IHO1: variants seen among roughly 807,000 people sequenced by gnomAD.
IHO1 encodes interactor of HORMAD1 1, also known as interactor of HORMAD1 protein 1.
IHO1 carries 13 observed loss-of-function variants against 31.0 expected under a neutral mutation model. The observed-to-expected ratio is 0.42, with a 90% confidence interval of 0.27 to 0.67. The LOEUF (loss-of-function observed/expected upper bound fraction) is 0.67, where lower values mean the gene tolerates loss of function less well. Among genes scored for constraint, IHO1 ranks in the 30% least tolerant of loss-of-function variants. The pLI is 0.24. For missense variants in IHO1, 599 were observed against 687.5 expected, an observed-to-expected ratio of 0.87 and a Z score of 1.44; for synonymous variants, 221 against 248.4, an observed-to-expected ratio of 0.89 and a Z score of 1.04.
Position 49,241,392 on chromosome 3 carries a change from ATGTAAACC to A in IHO1, c.395+5_395+12del. 1 of 1,593,426 alleles carries A rather than the reference ATGTAAACC, an allele frequency of 6.3e-7. No homozygotes were observed. ...AGGGCAAAAGACAAATGTGACAGGT[ATGTAAACC>A]TTTCAAATGGATGAAAGAACTCACC... On this transcript the variant is annotated splice_donor_5th_base_variant and intron_variant, in intron 4 of 7. Coordinates refer to ENST00000452691, the MANE Select transcript of IHO1 (RefSeq NM_001135197.2).
intron 1 of IHO1, among the ~76,000 whole-genome samples, chr3:49,204,790 T>C (rs1422602212): frequency 6.6e-6 from 1 of 152,070 alleles, no homozygotes; most frequent in Non-Finnish European, 1.5e-5. Context: ...TTTGGGAGGC[T>C]GATGTGGGCA....
upstream of IHO1, among the ~76,000 whole-genome samples, chr3:49,195,431 A>G (rs888156909): frequency 6.8e-6 from 1 of 146,776 alleles, no homozygotes; most frequent in African/African-American, 2.5e-5. Context: ...CAAAAAAAAA[A>G]AAGAGGCCAG....
chr3:49,212,717 T>C (rs1472768795), intron 2 of IHO1, among the ~76,000 whole-genome samples: 5 of 152,052 alleles, frequency 3.3e-5, no homozygotes, highest in Non-Finnish European at 7.4e-5. Context: ...TTCCTTCTGG[T>C]GGGTTTGGGG....
At chr3:49,193,994 G>T (rs2045981442), upstream of IHO1, among the ~76,000 whole-genome samples, 2 of 150,490 alleles carry the variant, frequency 1.3e-5, no homozygotes, top group Non-Finnish European at 3.0e-5. Flanking sequence ...GTCAGACTGG[G>T]TGCCGTGGCT....
At chr3:49,248,202 C>A (rs2046719605) in intron 6 of IHO1, among the ~76,000 whole-genome samples, 1 of 150,646 alleles carries the variant, frequency 6.6e-6, no homozygotes, top group South Asian at 2.1e-4. Context: ...GCGGGCAGAT[C>A]ACGGGGTCAG....
intron 3 of IHO1, 36 bp downstream of exon 3, chr3:49,236,758 T>G: frequency 6.3e-7 from 1 of 1,578,598 alleles, no homozygotes; most frequent in Non-Finnish European, 8.6e-7. Flanking sequence ...TGCACACATT[T>G]CACAGTCATT....
At chr3:49,236,820 A>T (rs2046565273) in intron 3 of IHO1, 98 bp downstream of exon 3, 2 of 1,164,796 alleles carry the variant, frequency 1.7e-6, no homozygotes, top group East Asian at 5.1e-5. Context: ...AATGGCTGAC[A>T]CCTGTAATCC....
rs553273370 is a variant in IHO1, at chr3:49,258,078, T to C, written c.*796T>C. 6.6e-6 allele frequency: 1 copy of C among 152,220 alleles called. No homozygotes were observed. Among genetic ancestry groups the C allele is most frequent in the African/African-American group, 2.4e-5 (1 of 41,450 alleles). The allele number at this position is 152,220 out of a possible 1,614,324, so 9.4% of individuals were successfully genotyped here. A position where few individuals can be genotyped will look rare whatever the true frequency, so the allele number is the denominator to read the frequency against. ...TTTGCAACACAAGTATTTTTTGTTA[T>C]CAGAAATAAGATAAAACATTTAAAA... On this transcript the variant is annotated 3_prime_UTR_variant, in exon 8 of 8. Transcript: ENST00000452691.
At chr3:49,251,435 A>G (rs1228514279) in intron 6 of IHO1, among the ~76,000 whole-genome samples, 32 of 136,758 alleles carry the variant, frequency 2.3e-4, no homozygotes, top group Middle Eastern at 0.01. Context: ...ACAGGCGTGC[A>G]TCACCATGCC....
In IHO1 at chr3:49,207,249, GT is replaced by G. The variant is rs1223888677; in HGVS notation, c.-15-4502del. Among the ~76,000 whole-genome samples the G allele has an allele frequency of 4.7e-3, 656 of 138,548 alleles. 3 individuals carry two copies. Among genetic ancestry groups the G allele is most frequent in the African/African-American group, 0.01 (398 of 37,948 alleles). 90.9% of individuals were successfully genotyped at this position (138,548 alleles called of 152,430 possible). ...GGAGCATTTTTTTCTTTCTGGTGAG[GT>G]TTTTTTTTTTTTTTGAGACGGAGTC... is the stretch of plus-strand genomic sequence containing the variant. On this transcript the variant is annotated intron_variant, in intron 1 of 7. Transcript: ENST00000452691.
intron 6 of IHO1, among the ~76,000 whole-genome samples, chr3:49,251,227 TCTC>T (rs980477116): frequency 1.3e-5 from 2 of 150,852 alleles, no homozygotes; most frequent in Non-Finnish European, 3.0e-5. Context: ...TTCAAGCAGT[TCTC>T]CTGTCTCAGC....
rs180995492 is a variant in IHO1 at position 49,227,247 on chromosome 3, A to G, written c.57-9301A>G. On this transcript the variant is annotated intron_variant, in intron 2 of 7. Coordinates refer to ENST00000452691, the MANE Select transcript of IHO1 (RefSeq NM_001135197.2). ...TGGCCATTTTTCCCCATCAGAGAAT[A>G]TCGGGGCCAGGCCATAGTGCAGAAA... Among the ~76,000 whole-genome samples, 424 of 152,296 alleles carry G rather than the reference A, an allele frequency of 2.8e-3. 1 individual carries two copies. Among genetic ancestry groups the G allele is most frequent in the African/African-American group, 9.4e-3 (392 of 41,564 alleles).
At chr3:49,234,475 C>T (rs568739057) in intron 2 of IHO1, among the ~76,000 whole-genome samples, 5 of 152,068 alleles carry the variant, frequency 3.3e-5, no homozygotes, top group South Asian at 4.2e-4. Context: ...CCACCACGCC[C>T]AGGCTCTGGT....
chr3:49,225,329 G>C lies in IHO1; in HGVS notation c.57-11219G>C, dbSNP rs372643247. ...AAATAAAAAATTAGCTGGGCATGGT[G>C]GTGGGTGCCTGTAATCCCAGCCACT... On this transcript the variant is annotated intron_variant, in intron 2 of 7. Coordinates refer to ENST00000452691, the MANE Select transcript of IHO1 (RefSeq NM_001135197.2). Among the ~76,000 whole-genome samples the C allele has an allele frequency of 1.0e-3, 156 of 152,294 alleles. No homozygotes were observed. In the Middle Eastern group the frequency reaches 0.024, roughly 23 times the overall value.
At chr3:49,230,316 G>A (rs1373528569) in intron 2 of IHO1, among the ~76,000 whole-genome samples, 1 of 152,160 alleles carries the variant, frequency 6.6e-6, no homozygotes, top group African/African-American at 2.4e-5. Flanking sequence ...ATTACAGCCA[G>A]GATTGCCTTC....
At chr3:49,219,713 C>T (rs573823928) in intron 2 of IHO1, among the ~76,000 whole-genome samples, 10 of 152,240 alleles carry the variant, frequency 6.6e-5, no homozygotes, top group African/African-American at 2.4e-4. Context: ...GGTTGGAAAA[C>T]GTAGAGCTAA....
intron 1 of IHO1, chr3:49,199,901 C>T (rs12637576): frequency 0.62 from 94,477 of 152,050 alleles, 30,324 homozygotes; most frequent in East Asian, 0.95. Flanking sequence ...GAGCGGAGAC[C>T]CAGAGAAGCC....
At chr3:49,244,504 T>C (rs1433478514) in intron 5 of IHO1, 52 bp downstream of exon 5, 1 of 1,346,222 alleles carries the variant, frequency 7.4e-7, no homozygotes, top group Admixed American at 2.1e-5. Flanking sequence ...TTTAAGAAGT[T>C]TAATATTTAT....
upstream of IHO1, among the ~76,000 whole-genome samples, chr3:49,197,706 C>T (rs910111064): frequency 6.6e-6 from 1 of 151,802 alleles, no homozygotes; most frequent in Admixed American, 6.6e-5. Context: ...GAAACCCTGT[C>T]TCTACTAAAA....
Sources: allele counts gnomAD v4.1 joint callset (sites outside exome capture counted in the v4.1 genomes callset), GRCh38; gene constraint gnomAD v4.1.1; transcripts MANE v1.5; gene names NCBI Gene and HGNC (gene_info 2026-07-23, HGNC 2026-07-21).